Variants in FARP2 observed in about 807,000 individuals in gnomAD.
FARP2 encodes FERM, ARHGEF and pleckstrin domain-containing protein 2.
In FARP2, 111 loss-of-function variants were observed where a neutral mutation model predicts 130.5. The observed-to-expected ratio is 0.85, with a 90% CI of 0.73 to 1.00. The LOEUF (loss-of-function observed/expected upper bound fraction) is 1.00. Among genes scored for constraint, FARP2 ranks in the 50% least tolerant of loss-of-function variants. FARP2 has a pLI of 0.00. For missense variants in FARP2, 1,385 were observed against 1,346.3 expected (o/e 1.03, Z -0.45); for synonymous variants, 504 against 516.9 (o/e 0.98, Z 0.34).
At chr2:241,437,878 G>T (rs1416496977) in intron 12 of FARP2, among the ~76,000 whole-genome samples, 1 of 151,872 alleles carries the variant, frequency 6.6e-6, no homozygotes, top group Non-Finnish European at 1.5e-5. Context: ...TGTCAGCCAG[G>T]ATGGTCTTGA....
intron 22 of FARP2, among the ~76,000 whole-genome samples, chr2:241,490,768 G>A (rs1046795617): frequency 3.9e-5 from 6 of 152,214 alleles, no homozygotes. Flanking sequence ...CACAGATGTA[G>A]AGAACATCAT....
chr2:241,457,935 G>A (rs2150460240), intron 14 of FARP2, among the ~76,000 whole-genome samples: 3 of 152,294 alleles, frequency 2.0e-5, no homozygotes, highest in African/African-American at 7.2e-5. Flanking sequence ...ACAGGGGTGA[G>A]GCTTTATGAC....
intron 2 of FARP2, among the ~76,000 whole-genome samples, chr2:241,377,362 T>C (rs1171458372): frequency 6.8e-6 from 1 of 146,000 alleles, no homozygotes; most frequent in African/African-American, 2.6e-5. Context: ...TGAGACAGAG[T>C]CTCGCTCTGT....
At chr2:241,367,858 T>C (rs144990599) in intron 1 of FARP2, among the ~76,000 whole-genome samples, 4 of 151,904 alleles carry the variant, frequency 2.6e-5, no homozygotes, top group Non-Finnish European at 5.9e-5. Context: ...TTCTGAGTTA[T>C]TTGTTCCTTG....
intron 12 of FARP2, among the ~76,000 whole-genome samples, chr2:241,439,876 T>A (rs2063337928): frequency 6.6e-6 from 1 of 152,110 alleles, no homozygotes; most frequent in East Asian, 1.9e-4. Context: ...GAGAATTGCT[T>A]GAACCTGGGA....
At position 241,463,415 on chromosome 2, in the gene FARP2, C is replaced by G; in HGVS notation, c.1758C>G (p.Ile586Met). ...MTLLFSNIDP[I>M]YEFHRGFLRE... Reference sequence around the variant, plus strand: ...TGCTCTTCTCCAACATCGATCCCATCTATGAGTTCCACAGAGGCTTCCTGC... The same window carrying G: ...TGCTCTTCTCCAACATCGATCCCATGTATGAGTTCCACAGAGGCTTCCTGC... The change falls in exon 16 of 27, where the codon ATC becomes ATG. Residue 586 changes from isoleucine (I) to methionine (M), a missense_variant. Physicochemically the swap from Ile to Met is conservative, Grantham distance 10 (BLOSUM62 1). Coordinates refer to ENST00000264042, the MANE Select transcript of FARP2 (RefSeq NM_014808.4). The G allele has an allele frequency of 6.2e-7, 1 of 1,614,136 alleles. No homozygotes were observed. The highest frequency in any genetic ancestry group is 2.2e-5 in the East Asian group (1 of 44,876).
intron 14 of FARP2, among the ~76,000 whole-genome samples, chr2:241,461,071 A>G (rs1409716833): frequency 6.6e-6 from 1 of 152,174 alleles, no homozygotes; most frequent in East Asian, 1.9e-4. Context: ...TACAAGGAAG[A>G]AGACATGGCT....
At chr2:241,458,722 A>G (rs2063933923) in intron 14 of FARP2, among the ~76,000 whole-genome samples, 1 of 152,182 alleles carries the variant, frequency 6.6e-6, no homozygotes, top group Non-Finnish European at 1.5e-5. Flanking sequence ...TATTAAGACT[A>G]AATTTTAATT....
intron 13 of FARP2, among the ~76,000 whole-genome samples, chr2:241,455,541 C>T (rs13423869): frequency 0.03 from 4,625 of 151,648 alleles, 231 homozygotes; most frequent in African/African-American, 0.1. Context: ...CCGCCATGCC[C>T]GGCTAATTTT....
intron 21 of FARP2, chr2:241,488,875 C>G (rs1162271929): frequency 6.6e-6 from 1 of 152,228 alleles, no homozygotes; most frequent in African/African-American, 2.4e-5. Flanking sequence ...AGTCCACTCT[C>G]TCTCATTAGT....
chr2:241,449,256 T>C (rs2063587761), intron 13 of FARP2, among the ~76,000 whole-genome samples: 1 of 151,734 alleles, frequency 6.6e-6, no homozygotes. Context: ...AGCCCAGGAC[T>C]TCGAGACCTG....
At chr2:241,473,289 G>T (rs1486719107) in intron 18 of FARP2, among the ~76,000 whole-genome samples, 1 of 151,500 alleles carries the variant, frequency 6.6e-6, no homozygotes, top group South Asian at 2.1e-4. Context: ...ACCCTTTTCT[G>T]AGTGAGATGC....
chr2:241,359,215 A>T (rs926347697), intron 1 of FARP2, among the ~76,000 whole-genome samples: 1 of 152,230 alleles, frequency 6.6e-6, no homozygotes, highest in African/African-American at 2.4e-5. Context: ...TTTTATTTTA[A>T]GAGTCATGAA....
chr2:241,490,933 G>A, intron 22 of FARP2, 128 bp from the exon 23 acceptor site: 1 of 733,548 alleles, frequency 1.4e-6, no homozygotes, highest in Admixed American at 2.0e-5. Context: ...ACGTTTCCCA[G>A]TCCTCTCACC....
intron 5 of FARP2, among the ~76,000 whole-genome samples, chr2:241,409,354 A>G (rs934773329): frequency 9.2e-5 from 14 of 152,192 alleles, no homozygotes; most frequent in African/African-American, 3.4e-4. Context: ...GTTCAAGACC[A>G]GCCTAGGCAA....
intron 13 of FARP2, among the ~76,000 whole-genome samples, chr2:241,452,757 A>T (rs1326933322): frequency 6.6e-6 from 1 of 152,008 alleles, no homozygotes; most frequent in East Asian, 1.9e-4. Context: ...CCTGGCCAAC[A>T]TGGTGAAACC....
chr2:241,361,467 C>T (rs1225317020), intron 1 of FARP2, among the ~76,000 whole-genome samples: 1 of 152,216 alleles, frequency 6.6e-6, no homozygotes, highest in African/African-American at 2.4e-5. Context: ...ATGCCAGCAG[C>T]ACCTCCCAAG....
chr2:241,382,149 A>C (rs993632864), intron 2 of FARP2, among the ~76,000 whole-genome samples: 3 of 152,216 alleles, frequency 2.0e-5, no homozygotes, highest in Non-Finnish European at 2.9e-5. Flanking sequence ...CACCTATATT[A>C]AACAAAATTG....
intron 13 of FARP2, among the ~76,000 whole-genome samples, chr2:241,450,140 C>T (rs2063612489): frequency 6.6e-6 from 1 of 151,978 alleles, no homozygotes; most frequent in Non-Finnish European, 1.5e-5. Context: ...TCATTTTAGC[C>T]CAGGGAGGGA....
Sources: allele counts gnomAD v4.1 joint callset (sites outside exome capture counted in the v4.1 genomes callset), GRCh38; gene constraint gnomAD v4.1.1; transcripts MANE v1.5; gene names NCBI Gene and HGNC (gene_info 2026-07-23, HGNC 2026-07-21).